Variants in PGBD2 observed in about 807,000 individuals in gnomAD.
PGBD2 encodes piggyBac transposable element-derived protein 2.
A neutral mutation model predicts 8.1 loss-of-function variants in PGBD2; 6 were observed. The ratio of observed to expected loss-of-function variants is 0.74; its 90% CI spans 0.40 to 1.46. PGBD2 has a LOEUF of 1.46. Among genes scored for constraint, PGBD2 ranks in the 40% most tolerant of loss-of-function variants. PGBD2 has a pLI of 0.02. For missense variants in PGBD2, 802 were observed against 739.0 expected, an observed-to-expected ratio of 1.09 and a Z score of -0.99; for synonymous variants, 318 against 272.2, an observed-to-expected ratio of 1.17 and a Z score of -1.66.
At chr1:248,903,688 G>A (rs191217992), upstream of PGBD2, among the ~76,000 whole-genome samples, 1 of 152,152 alleles carries the variant, frequency 6.6e-6, no homozygotes, top group Non-Finnish European at 1.5e-5. Flanking sequence ...TTGGCATCTG[G>A]TTCTTTCTTC....
At chr1:248,892,857 A>G in the PGBD2 span, among the ~76,000 whole-genome samples, 2 of 152,192 alleles carry the variant, frequency 1.3e-5, no homozygotes, top group African/African-American at 4.8e-5. Flanking sequence ...GTAGTCAATC[A>G]TATCTATTTG....
chr1:248,916,400 C>T (rs985465170), intron 2 of PGBD2, among the ~76,000 whole-genome samples: 2 of 151,504 alleles, frequency 1.3e-5, no homozygotes, highest in Non-Finnish European at 2.9e-5. Context: ...ATGACTCCGT[C>T]TAAAAAAAAA....
the PGBD2 span, among the ~76,000 whole-genome samples, chr1:248,875,144 A>C: frequency 6.6e-6 from 1 of 151,868 alleles, no homozygotes; most frequent in Non-Finnish European, 1.5e-5. Context: ...AAAAATACAA[A>C]AATTAGCTGA....
the PGBD2 span, among the ~76,000 whole-genome samples, chr1:248,927,297 G>A: frequency 6.6e-6 from 1 of 152,190 alleles, no homozygotes; most frequent in Non-Finnish European, 1.5e-5. Context: ...CATCTGGGAA[G>A]CTGACAATCC....
the PGBD2 span, among the ~76,000 whole-genome samples, chr1:248,885,655 G>A: frequency 6.6e-6 from 1 of 152,084 alleles, no homozygotes; most frequent in African/African-American, 2.4e-5. Context: ...AACAGTGCTT[G>A]ATGAAGACTA....
In PGBD2 at chr1:248,916,887, G is replaced by T. The variant is rs1449804029; in HGVS notation, c.303G>T (p.Arg101Ser). 1 of 1,614,090 alleles carries T rather than the reference G, an allele frequency of 6.2e-7. No homozygotes were observed. The highest frequency in any genetic ancestry group is 1.7e-5 in the Admixed American group (1 of 60,012). The change falls in exon 3 of 3, where the codon AGG becomes AGT. Residue 101 changes from arginine (R) to serine (S), a missense_variant. Physicochemically the swap from Arg to Ser is moderately radical, Grantham distance 110. Transcript: ENST00000329291. ...DDLELQPAKKRQKAVVKPQRI... is the reference protein window; with the variant it reads ...DDLELQPAKKSQKAVVKPQRI... ...TGGAGCTGCAGCCAGCCAAGAAGAG[G>T]CAGAAAGCAGTTGTGAAACCTCAGC...
the PGBD2 span, among the ~76,000 whole-genome samples, chr1:248,876,236 A>G: frequency 2.6e-5 from 4 of 152,194 alleles, no homozygotes; most frequent in East Asian, 7.7e-4. Context: ...TCGAACTCCC[A>G]ACCTCAGGTG....
chr1:248,907,764 A>G (rs1348636319), intron 1 of PGBD2, among the ~76,000 whole-genome samples: 1 of 152,210 alleles, frequency 6.6e-6, no homozygotes, highest in East Asian at 1.9e-4. Context: ...TCAAGGTTGG[A>G]GCAAAGAGGT....
At chr1:248,911,606 C>G (rs1176033379) in intron 1 of PGBD2, among the ~76,000 whole-genome samples, 2 of 145,692 alleles carry the variant, frequency 1.4e-5, no homozygotes, top group Non-Finnish European at 2.9e-5. Context: ...CATTGTCATC[C>G]TGGCCCGTTC....
downstream of PGBD2, among the ~76,000 whole-genome samples, chr1:248,920,533 T>C (rs1157604735): frequency 6.6e-6 from 1 of 151,978 alleles, no homozygotes; most frequent in Admixed American, 6.6e-5. Flanking sequence ...ACATTTTCTT[T>C]AGTCTATTAT....
At chr1:248,916,402 A>G (rs911202896) in intron 2 of PGBD2, among the ~76,000 whole-genome samples, 200 bp from the exon 3 acceptor site, 2 of 146,694 alleles carry the variant, frequency 1.4e-5, no homozygotes, top group African/African-American at 5.0e-5. Flanking sequence ...GACTCCGTCT[A>G]AAAAAAAAAA....
the PGBD2 span, among the ~76,000 whole-genome samples, chr1:248,879,894 T>C: frequency 6.6e-6 from 1 of 152,170 alleles, no homozygotes; most frequent in Non-Finnish European, 1.5e-5. Context: ...TACACATATA[T>C]ATATTCTTTT....
chr1:248,922,144 C>T (rs1313228825), downstream of PGBD2, among the ~76,000 whole-genome samples: 2 of 151,066 alleles, frequency 1.3e-5, no homozygotes, highest in African/African-American at 4.9e-5. Flanking sequence ...ACTGCAAGGT[C>T]CGCCTCCCGG....
At chr1:248,895,227 A>G in the PGBD2 span, among the ~76,000 whole-genome samples, 2 of 152,138 alleles carry the variant, frequency 1.3e-5, no homozygotes, top group African/African-American at 4.8e-5. Flanking sequence ...AAGCCAGAGG[A>G]GTGTGACTGT....
the PGBD2 span, among the ~76,000 whole-genome samples, chr1:248,898,653 C>A: frequency 6.6e-6 from 1 of 152,206 alleles, no homozygotes; most frequent in Non-Finnish European, 1.5e-5. Context: ...ACTACAAAAA[C>A]ACACTGAAGT....
In PGBD2 at chr1:248,913,816, G is replaced by T. The variant is rs773935610; in HGVS notation, c.-47G>T. The T allele has an allele frequency of 8.4e-5, 128 of 1,523,134 alleles. No individual in the cohort carries two copies. The highest frequency in any genetic ancestry group is 9.8e-5 in the Non-Finnish European group (108 of 1,098,434). 94.4% of individuals were successfully genotyped at this position (1,523,134 alleles called of 1,614,324 possible). On this transcript the variant is annotated splice_region_variant and 5_prime_UTR_variant, in exon 2 of 3. Coordinates refer to ENST00000329291, the MANE Select transcript of PGBD2 (RefSeq NM_170725.3). Reference sequence around the variant, plus strand: ...TAAATTGACTTTTCTTGTCTTACAGGTTCTTAGACTCTGTGAGTAAAGACA... The same window carrying T: ...TAAATTGACTTTTCTTGTCTTACAGTTTCTTAGACTCTGTGAGTAAAGACA...
At chr1:248,876,887 G>A in the PGBD2 span, among the ~76,000 whole-genome samples, 1 of 151,970 alleles carries the variant, frequency 6.6e-6, no homozygotes, top group Non-Finnish European at 1.5e-5. Flanking sequence ...ATGTTTTTTG[G>A]TTCTCTTTAT....
upstream of PGBD2, among the ~76,000 whole-genome samples, chr1:248,905,438 T>G (rs1661604459): frequency 6.6e-6 from 1 of 151,654 alleles, no homozygotes; most frequent in Admixed American, 6.6e-5. Flanking sequence ...TATAGAGCCG[T>G]GATTCTCAAG....
Position 248,917,720 on chromosome 1 carries a change from C to G in PGBD2, c.1136C>G (p.Thr379Ser). The change falls in exon 3 of 3, where the codon ACT becomes AGT. Residue 379 changes from threonine (T) to serine (S), a missense_variant. Thr to Ser is a moderately conservative substitution (Grantham distance 58). Transcript: ENST00000329291. Reference sequence around the variant, plus strand: ...ACAGGAACTGTTCGTGAGTACAGGACTGAGCGATGTCCCCTAAAAGACCCC... The same window carrying G: ...ACAGGAACTGTTCGTGAGTACAGGAGTGAGCGATGTCCCCTAAAAGACCCC... ...KATGTVREYR[T>S]ERCPLKDPKE... is the part of the protein sequence containing the mutation. The G allele has an allele frequency of 1.2e-6, 2 of 1,614,168 alleles. No homozygotes were observed. Among genetic ancestry groups the G allele is most frequent in the Non-Finnish European group, 1.7e-6 (2 of 1,180,026 alleles).
Sources: gnomAD v4.1 joint callset for allele counts (sites outside exome capture counted in the v4.1 genomes callset) on GRCh38, gnomAD v4.1.1 for gene constraint, MANE v1.5 for transcripts, NCBI Gene and HGNC (gene_info 2026-07-23, HGNC 2026-07-21) for gene names.